Variants in PIP5K1B observed in about 807,000 individuals in gnomAD.
PIP5K1B encodes the protein phosphatidylinositol-4-phosphate 5-kinase type 1 beta.
A neutral mutation model predicts 67.0 loss-of-function variants in PIP5K1B; 42 were observed. That is an observed-to-expected ratio of 0.63 (90% CI 0.49 to 0.81). The LOEUF is 0.81. Ranked by LOEUF, PIP5K1B falls within the 30% of genes least tolerant of loss-of-function variation. The pLI is 0.00. For synonymous variants in PIP5K1B, 214 were observed against 231.4 expected (o/e 0.92, Z 0.68); for missense variants, 459 against 646.3 (o/e 0.71, Z 3.14).
At chr9:68,730,532 C>A (rs181336689) in intron 1 of PIP5K1B, among the ~76,000 whole-genome samples, 33 of 152,276 alleles carry the variant, frequency 2.2e-4, no homozygotes, top group Non-Finnish European at 3.5e-4. Context: ...GATCTGTTAT[C>A]GCGGCCCATA....
At chr9:68,802,820 C>T (rs1832673980) in intron 2 of PIP5K1B, among the ~76,000 whole-genome samples, 2 of 152,110 alleles carry the variant, frequency 1.3e-5, no homozygotes, top group African/African-American at 2.4e-5. Flanking sequence ...ATATGAGAGT[C>T]GTGAGAGGTC....
At chr9:68,955,933 C>T (rs886342368) in intron 14 of PIP5K1B, among the ~76,000 whole-genome samples, 1 of 152,124 alleles carries the variant, frequency 6.6e-6, no homozygotes, top group Non-Finnish European at 1.5e-5. Context: ...TTATTTAATG[C>T]ACCCATCAAC....
chr9:68,901,219 A>G (rs977427771), intron 8 of PIP5K1B, among the ~76,000 whole-genome samples: 3 of 152,168 alleles, frequency 2.0e-5, no homozygotes, highest in African/African-American at 7.2e-5. Flanking sequence ...AAAAGGGTGC[A>G]GGGACATCAT....
chr9:68,968,444 T>A (rs1398976346), intron 14 of PIP5K1B, among the ~76,000 whole-genome samples: 1 of 145,254 alleles, frequency 6.9e-6, no homozygotes, highest in African/African-American at 2.5e-5. Context: ...CGTTTCAATC[T>A]GGAGGCAGAG....
chr9:68,710,420 A>G (rs997874564), intron 1 of PIP5K1B, among the ~76,000 whole-genome samples: 2 of 152,044 alleles, frequency 1.3e-5, no homozygotes, highest in African/African-American at 2.4e-5. Context: ...TTATGATGAA[A>G]TTTTTGGGGT....
At chr9:68,841,852 T>G (rs1341190996) in intron 4 of PIP5K1B, among the ~76,000 whole-genome samples, 1 of 152,208 alleles carries the variant, frequency 6.6e-6, no homozygotes, top group Non-Finnish European at 1.5e-5. Flanking sequence ...TTTTCTGCAT[T>G]GTATTCTTAG....
At position 68,894,414 on chromosome 9, in the gene PIP5K1B, A is replaced by G; in HGVS notation, c.547A>G (p.Ile183Val). 2 of 1,614,006 alleles carry G rather than the reference A, an allele frequency of 1.2e-6. No individual in the cohort carries two copies. Among genetic ancestry groups the G allele is most frequent in the East Asian group, 2.2e-5 (1 of 44,878 alleles). Residue 183 changes from isoleucine (I) to valine (V), a missense_variant, in exon 8 of 16, where the codon ATC becomes GTC. By Grantham distance (29) the Ile-to-Val change is conservative. This residue lies in a region of PIP5K1B where 290 missense variants were observed against 474.4 expected (regional missense o/e 0.61). Transcript: ENST00000265382. ...TTGTATGCAATCAGGAGGCATTAAT[A>G]TCAGGATTGTGGTGATGAACAACGT... ...LYCMQSGGINIRIVVMNNVLP... is the reference protein window; with the variant it reads ...LYCMQSGGINVRIVVMNNVLP...
intron 8 of PIP5K1B, 36 bp from the exon 9 acceptor site, chr9:68,917,511 TG>T: frequency 6.7e-7 from 1 of 1,497,316 alleles, no homozygotes; most frequent in Non-Finnish European, 9.3e-7. Context: ...AACAGGCCTT[TG>T]GGTTGACTGG....
intron 2 of PIP5K1B, among the ~76,000 whole-genome samples, chr9:68,757,961 G>A (rs568827053): frequency 1.9e-4 from 29 of 152,134 alleles, no homozygotes; most frequent in Non-Finnish European, 4.1e-4. Flanking sequence ...AGAATTGGAA[G>A]CTCCACCAAA....
In PIP5K1B at chr9:68,862,218, C is replaced by A. The variant is rs540679912; in HGVS notation, c.70-1619C>A. Among the ~76,000 whole-genome samples the A allele has an allele frequency of 1.1e-3, 165 of 152,192 alleles. 1 individual carries two copies. Among genetic ancestry groups the A allele is most frequent in the African/African-American group, 3.8e-3 (157 of 41,514 alleles). On this transcript the variant is annotated intron_variant, in intron 4 of 15. Transcript: ENST00000265382. Reference sequence around the variant, plus strand: ...TTTGGATAACTGAAGATGACACTGCCTTGGGAAATGAAGCCAGTCTCAGAA... The same window carrying A: ...TTTGGATAACTGAAGATGACACTGCATTGGGAAATGAAGCCAGTCTCAGAA...
chr9:68,748,085 T>C (rs1829415825), intron 2 of PIP5K1B, among the ~76,000 whole-genome samples: 1 of 152,148 alleles, frequency 6.6e-6, no homozygotes, highest in African/African-American at 2.4e-5. Flanking sequence ...TAATCTGCTT[T>C]CTGTTTCTGT....
intron 2 of PIP5K1B, among the ~76,000 whole-genome samples, chr9:68,814,257 A>G (rs1025834972): frequency 2.0e-5 from 3 of 152,248 alleles, no homozygotes; most frequent in African/African-American, 4.8e-5. Context: ...AAAATAGTGT[A>G]TAGTCATTTT....
Position 68,917,697 on chromosome 9 carries a change from C to T in PIP5K1B, c.921C>T (p.Ala307=). The change falls in exon 9 of 16, where the codon GCC becomes GCT. Residue 307 remains alanine (A), a synonymous_variant. Transcript: ENST00000265382. ...TGCAGAAGGTTCTCTACTCAACAGC[C>T]ATGGAATCTATCCAGGGTCCAGGGA... ...TGMQKVLYST[A]MESIQGPGKS... 4.3e-6 allele frequency: 7 copies of T among 1,614,152 alleles called. No individual in the cohort carries two copies. The highest frequency in any genetic ancestry group is 5.9e-6 in the Non-Finnish European group (7 of 1,179,976).
At chr9:68,829,449 C>T (rs937862277) in intron 4 of PIP5K1B, among the ~76,000 whole-genome samples, 1 of 152,172 alleles carries the variant, frequency 6.6e-6, no homozygotes, top group African/African-American at 2.4e-5. Flanking sequence ...CCTCCACCCC[C>T]CAGGAAGATT....
In PIP5K1B at chr9:68,735,965, G is replaced by A. The variant is rs542999658; in HGVS notation, c.-242-6536G>A. Reference sequence around the variant, plus strand: ...GCTTGGAACACTCCAGGAACAGCAGGTTGGTCCATGAGCCTGGAGCAGGGT... The same window carrying A: ...GCTTGGAACACTCCAGGAACAGCAGATTGGTCCATGAGCCTGGAGCAGGGT... On this transcript the variant is annotated intron_variant, in intron 1 of 15. Coordinates refer to ENST00000265382, the MANE Select transcript of PIP5K1B (RefSeq NM_003558.4). 3.3e-5 allele frequency among the ~76,000 whole-genome samples: 5 copies of A among 152,300 alleles called. No homozygotes were observed. In the East Asian group the frequency reaches 7.7e-4, roughly 24 times the overall value.
At chr9:68,941,363 G>A (rs1362203448) in intron 14 of PIP5K1B, among the ~76,000 whole-genome samples, 2 of 152,186 alleles carry the variant, frequency 1.3e-5, no homozygotes, top group Non-Finnish European at 2.9e-5. Flanking sequence ...CTTGTAAGGG[G>A]AAGACAGAAG....
At chr9:68,783,256 A>G (rs1364098920) in intron 2 of PIP5K1B, 1 of 166,922 alleles carries the variant, frequency 6.0e-6, no homozygotes, top group Admixed American at 6.5e-5. Flanking sequence ...TCCTCTCCTC[A>G]TCTCTGTTCC....
intron 8 of PIP5K1B, among the ~76,000 whole-genome samples, chr9:68,908,520 T>C (rs1301887120): frequency 1.3e-5 from 2 of 152,212 alleles, no homozygotes. Context: ...AAACACATTA[T>C]TGCCAAAACA....
intron 12 of PIP5K1B, among the ~76,000 whole-genome samples, chr9:68,924,110 TAAA>T (rs71500336): frequency 2.4e-5 from 3 of 125,830 alleles, no homozygotes; most frequent in Admixed American, 8.2e-5. Flanking sequence ...CTCTTACCTT[TAAA>T]AAAAAAAAAA....
Sources: gnomAD v4.1 joint callset for allele counts (sites outside exome capture counted in the v4.1 genomes callset) on GRCh38, gnomAD v4.1.1 for gene constraint, gnomAD v4.1.1 regional missense constraint, MANE v1.5 for transcripts, NCBI Gene and HGNC (gene_info 2026-07-23, HGNC 2026-07-21) for gene names.